The following CTNNA1 variants were observed in gnomAD, a reference collection of about 807,000 sequenced individuals.
CTNNA1 encodes the protein catenin alpha 1, also known as catenin alpha-1.
A neutral mutation model predicts 98.4 loss-of-function variants in CTNNA1; 37 were observed. The observed-to-expected ratio is 0.38, with a 90% CI of 0.29 to 0.49. The LOEUF (loss-of-function observed/expected upper bound fraction) is 0.49. Ranked by LOEUF, CTNNA1 falls within the 20% of genes least tolerant of loss-of-function variation. CTNNA1 has a pLI of 0.95. For missense variants in CTNNA1, 761 were observed against 1,147.2 expected (o/e 0.66, Z 4.86); for synonymous variants, 404 against 413.2 (o/e 0.98, Z 0.27).
chr5:138,905,015 A>G (rs1431551773), intron 10 of CTNNA1, among the ~76,000 whole-genome samples: 1 of 149,858 alleles, frequency 6.7e-6, no homozygotes, highest in Non-Finnish European at 1.5e-5. Flanking sequence ...AATGGCGTGA[A>G]CCTGGGAGGC....
intron 10 of CTNNA1, among the ~76,000 whole-genome samples, chr5:138,909,105 A>C (rs1486310125): frequency 6.6e-6 from 1 of 152,218 alleles, no homozygotes; most frequent in Non-Finnish European, 1.5e-5. Context: ...AAACAGCAGC[A>C]GGTTTCTGAC....
intron 7 of CTNNA1, chr5:138,869,811 A>G (rs1765171297): frequency 6.6e-6 from 1 of 152,650 alleles, no homozygotes; most frequent in Non-Finnish European, 1.5e-5. Flanking sequence ...ACATTAAGAA[A>G]TTACATGTGT....
intron 1 of CTNNA1, among the ~76,000 whole-genome samples, chr5:138,776,084 T>C (rs1459874490): frequency 6.6e-6 from 1 of 150,462 alleles, no homozygotes; most frequent in African/African-American, 2.5e-5. Context: ...CTTGGGTGTT[T>C]CTCACAGAGG....
intron 3 of CTNNA1, among the ~76,000 whole-genome samples, chr5:138,807,450 T>A (rs1758210220): frequency 6.6e-6 from 1 of 152,088 alleles, no homozygotes; most frequent in South Asian, 2.1e-4. Context: ...CTGGTATTCA[T>A]TTCTTCCCTA....
At chr5:138,786,630 G>A (rs1199054626) in intron 3 of CTNNA1, among the ~76,000 whole-genome samples, 1 of 152,128 alleles carries the variant, frequency 6.6e-6, no homozygotes, top group Non-Finnish European at 1.5e-5. Flanking sequence ...TTTTCTCATG[G>A]ATTATTCTGT....
intron 7 of CTNNA1, chr5:138,869,959 A>G (rs978901149): frequency 1.3e-5 from 2 of 152,656 alleles, no homozygotes; most frequent in African/African-American, 4.8e-5. Context: ...CTGTCATGCT[A>G]CAGAAATGAA....
chr5:138,824,593 G>A lies in CTNNA1; in HGVS notation c.652G>A (p.Val218Ile), dbSNP rs752549253. Residue 218 changes from valine to isoleucine, a missense_variant, in exon 6 of 18, where the codon GTT (valine) becomes ATT (isoleucine). Val to Ile is a conservative substitution (Grantham distance 29). Coordinates refer to ENST00000302763, the MANE Select transcript of CTNNA1 (RefSeq NM_001903.5). The part of the protein sequence containing the change: ...AAARGILQKN[V>I]PILYTASQAC... ...AGCTAGAGGAATCCTGCAGAAGAAC[G>A]TTCCGATCCTCTATACTGCATCCCA... is the stretch of plus-strand genomic sequence containing the variant. 6 of 1,614,098 alleles carry A rather than the reference G, an allele frequency of 3.7e-6. No homozygotes were observed. Among genetic ancestry groups the A allele is most frequent in the East Asian group, 2.2e-5 (1 of 44,904 alleles).
chr5:138,777,189 C>A (rs1754395866), intron 1 of CTNNA1, among the ~76,000 whole-genome samples: 1 of 152,194 alleles, frequency 6.6e-6, no homozygotes, highest in African/African-American at 2.4e-5. Flanking sequence ...GGGGTCGCGG[C>A]CGGGTAGAGG....
intron 10 of CTNNA1, chr5:138,904,676 G>A: frequency 2.0e-6 from 1 of 494,570 alleles, no homozygotes. Context: ...TGCACAGTGG[G>A]CTGGGCACGG....
chr5:138,919,885 C>G (rs1217136848), intron 11 of CTNNA1, among the ~76,000 whole-genome samples: 3 of 151,138 alleles, frequency 2.0e-5, no homozygotes, highest in Non-Finnish European at 4.4e-5. Context: ...GTGCAGGTTT[C>G]TACTGGGATG....
At chr5:138,757,185 G>A (rs1174616799) in intron 1 of CTNNA1, among the ~76,000 whole-genome samples, 4 of 151,870 alleles carry the variant, frequency 2.6e-5, no homozygotes, top group Admixed American at 2.0e-4. Context: ...GACAGAGTGA[G>A]ACCCTGTCTC....
intron 13 of CTNNA1, 55 bp downstream of exon 13, chr5:138,925,462 C>T: frequency 6.3e-7 from 1 of 1,588,928 alleles, no homozygotes; most frequent in Non-Finnish European, 8.6e-7. Context: ...ATTTGCTAAA[C>T]TTGAGCAATG....
rs1251414334 is a variant in CTNNA1 at position 138,781,852 on chromosome 5, G to A, written c.-2-71G>A. The stretch of plus-strand genomic sequence containing the variant: ...TTCCTGATGCAAAAGTCCCAAAGTA[G>A]GAGAAGATTTGTTACATATTTCATG... On this transcript the variant is annotated intron_variant, in intron 1 of 17. Transcript: ENST00000302763. 3 of 1,407,292 alleles carry A rather than the reference G, an allele frequency of 2.1e-6. No individual in the cohort carries two copies. The Admixed American group carries it at 8.0e-5, about 38-fold the overall frequency. The allele number at this position is 1,407,292 out of a possible 1,614,324, so 87.2% of individuals were successfully genotyped here.
At chr5:138,910,395 TAGAC>T (rs1392265597) in intron 10 of CTNNA1, among the ~76,000 whole-genome samples, 1 of 151,924 alleles carries the variant, frequency 6.6e-6, no homozygotes, top group Non-Finnish European at 1.5e-5. Context: ...GTTTCTTTAA[TAGAC>T]AGGGATATTT....
chr5:138,799,890 A>ATGTATGTC (rs1320107213), intron 3 of CTNNA1, among the ~76,000 whole-genome samples: 5 of 138,718 alleles, frequency 3.6e-5, no homozygotes, highest in Admixed American at 1.4e-4. Flanking sequence ...GTATGTATGT[A>ATGTATGTC]TGTGTGTGTG....
intron 3 of CTNNA1, among the ~76,000 whole-genome samples, chr5:138,786,300 A>G (rs183461698): frequency 6.6e-6 from 1 of 152,244 alleles, no homozygotes; most frequent in South Asian, 2.1e-4. Flanking sequence ...TCTTTGGAGA[A>G]TCTTAACAAA....
intron 7 of CTNNA1, among the ~76,000 whole-genome samples, chr5:138,835,462 T>C (rs1761691477): frequency 6.6e-6 from 1 of 152,182 alleles, no homozygotes; most frequent in African/African-American, 2.4e-5. Context: ...CATAGTTCTG[T>C]AGAGGCATTT....
At chr5:138,908,087 C>T (rs1299970863) in intron 10 of CTNNA1, among the ~76,000 whole-genome samples, 4 of 152,066 alleles carry the variant, frequency 2.6e-5, no homozygotes, top group African/African-American at 9.7e-5. Context: ...AAGCAATTCT[C>T]CTGTCCCAGC....
In CTNNA1 at chr5:138,810,070, G is replaced by A. The variant is rs762477632; in HGVS notation, c.334G>A (p.Ala112Thr). The A allele has an allele frequency of 1.9e-5, 31 of 1,613,162 alleles. 1 individual carries two copies. The South Asian group carries it at 2.2e-4, about 11-fold the overall frequency. ...GATGAAGGCTGCTGCAGGAGAGTTC[G>A]CAGATGATCCCTGCTCTTCTGTGAA... Reference protein sequence around the residue: ...DLMKAAAGEFADDPCSSVKRG... With the variant: ...DLMKAAAGEFTDDPCSSVKRG... Residue 112 changes from alanine (A) to threonine (T), a missense_variant, in exon 4 of 18, where the codon GCA becomes ACA. By Grantham distance (58) the Ala-to-Thr change is moderately conservative. Around this residue, in one of 6 missense-constraint regions of CTNNA1, gnomAD observed 328 missense variants for 354.3 expected, o/e 0.93. Transcript: ENST00000302763.
Sources: allele counts gnomAD v4.1 joint callset (sites outside exome capture counted in the v4.1 genomes callset), GRCh38; gene constraint gnomAD v4.1.1; regional missense constraint gnomAD v4.1.1; transcripts MANE v1.5; gene names NCBI Gene and HGNC (gene_info 2026-07-23, HGNC 2026-07-21).